MYCBP2: variants seen among roughly 807,000 people sequenced by gnomAD.
The protein encoded by MYCBP2 is E3 ubiquitin-protein ligase MYCBP2.
MYCBP2 carries 120 observed loss-of-function variants against 525.3 expected under a neutral mutation model. That is an observed-to-expected ratio of 0.23 (90% CI 0.20 to 0.27). MYCBP2 has a LOEUF of 0.27. MYCBP2 is among the 10% of genes least tolerant of loss of function. The pLI is 1.00. For synonymous variants in MYCBP2, 1,894 were observed against 1,955.8 expected (o/e 0.97, Z 0.83); for missense variants, 4,149 against 5,657.1 (o/e 0.73, Z 8.55).
chr13:77,202,772 A>G (rs1343266056), intron 26 of MYCBP2, among the ~76,000 whole-genome samples: 2 of 152,252 alleles, frequency 1.3e-5, no homozygotes, highest in Non-Finnish European at 1.5e-5. Flanking sequence ...TCCAGCATAT[A>G]AACAGAACCA....
chr13:77,212,849 T>A (rs1235774329), intron 21 of MYCBP2, among the ~76,000 whole-genome samples: 2 of 152,144 alleles, frequency 1.3e-5, no homozygotes, highest in African/African-American at 4.8e-5. Context: ...AGCCTGTAGC[T>A]GAAAAAGAAT....
At chr13:77,093,130 C>G in intron 59 of MYCBP2, 35 bp downstream of exon 59, 2 of 1,559,824 alleles carry the variant, frequency 1.3e-6, no homozygotes, top group Non-Finnish European at 1.7e-6. Context: ...CCACCAAACA[C>G]TAGCTATTCA....
intron 62 of MYCBP2, among the ~76,000 whole-genome samples, chr13:77,087,033 C>T (rs1484958993): frequency 6.6e-6 from 1 of 152,052 alleles, no homozygotes; most frequent in African/African-American, 2.4e-5. Flanking sequence ...TCTATTTCTA[C>T]TGTCTATTGT....
At chr13:77,217,519 A>G (rs1330037576) in intron 21 of MYCBP2, among the ~76,000 whole-genome samples, 1 of 152,210 alleles carries the variant, frequency 6.6e-6, no homozygotes, top group African/African-American at 2.4e-5. Flanking sequence ...CATCTCTACA[A>G]GTTAGATGAG....
Position 77,180,331 on chromosome 13 carries a change from A to C in MYCBP2, c.4942-13T>G, listed in dbSNP as rs2060100476. 1 of 1,611,802 alleles carries C rather than the reference A, an allele frequency of 6.2e-7. No individual in the cohort carries two copies. Among genetic ancestry groups the C allele is most frequent in the African/African-American group, 1.3e-5 (1 of 74,838 alleles). ...TATTCTCTTCACTCTGCGATACATA[A>C]GAAAAAGTTCTAAGGTATTGTTTTA... On this transcript the variant is annotated splice_polypyrimidine_tract_variant and intron_variant, in intron 33 of 82. Coordinates refer to ENST00000544440, the MANE Select transcript of MYCBP2 (RefSeq NM_015057.5).
At chr13:77,142,934 A>G (rs1284771743) in intron 49 of MYCBP2, among the ~76,000 whole-genome samples, 1 of 152,222 alleles carries the variant, frequency 6.6e-6, no homozygotes, top group African/African-American at 2.4e-5. Context: ...TCTGGTGCCA[A>G]GCATTTCAGA....
At chr13:77,105,433 T>A (rs570279216) in intron 55 of MYCBP2, among the ~76,000 whole-genome samples, 34 of 152,190 alleles carry the variant, frequency 2.2e-4, no homozygotes, top group Admixed American at 5.9e-4. Flanking sequence ...TAAAAAAGGT[T>A]AAGTGACTAA....
intron 3 of MYCBP2, among the ~76,000 whole-genome samples, chr13:77,287,696 C>G (rs73547884): frequency 0.061 from 9,264 of 151,942 alleles, 469 homozygotes; most frequent in East Asian, 0.17. Flanking sequence ...AGCTGAGAGG[C>G]TTTGTAGTTC....
intron 59 of MYCBP2, among the ~76,000 whole-genome samples, chr13:77,091,406 A>G (rs1250243217): frequency 6.6e-6 from 1 of 151,992 alleles, no homozygotes; most frequent in Non-Finnish European, 1.5e-5. Flanking sequence ...AAAATTACAC[A>G]AATTTAAAAA....
chr13:77,306,368 C>T (rs1021533666), intron 1 of MYCBP2, among the ~76,000 whole-genome samples: 4 of 152,126 alleles, frequency 2.6e-5, no homozygotes, highest in South Asian at 2.1e-4. Context: ...TTAACCTAGC[C>T]GGCTAATTAG....
intron 14 of MYCBP2, among the ~76,000 whole-genome samples, chr13:77,257,003 T>G (rs1426604169): frequency 6.6e-6 from 1 of 151,912 alleles, no homozygotes; most frequent in East Asian, 1.9e-4. Flanking sequence ...AACAGATGAG[T>G]GGATAAAGAA....
chr13:77,238,242 CAAAAAAA>C (rs772175406), intron 17 of MYCBP2, among the ~76,000 whole-genome samples: 40 of 28,294 alleles, frequency 1.4e-3, no homozygotes, highest in African/African-American at 3.7e-3. Flanking sequence ...GACTCCGTCT[CAAAAAAA>C]AAAAAAAAAA....
chr13:77,256,110 T>A (rs781260505), intron 14 of MYCBP2, among the ~76,000 whole-genome samples: 1 of 152,022 alleles, frequency 6.6e-6, no homozygotes, highest in African/African-American at 2.4e-5. Context: ...GCAAAGGATA[T>A]TGTGAAGAAG....
intron 20 of MYCBP2, among the ~76,000 whole-genome samples, chr13:77,223,034 A>C (rs775987169): frequency 2.6e-5 from 4 of 152,186 alleles, no homozygotes; most frequent in Non-Finnish European, 5.9e-5. Flanking sequence ...GCTGCTCTCT[A>C]TCTTTCCAGA....
In MYCBP2 at chr13:77,326,126, G is replaced by GCCA. The variant is rs1331543914; in HGVS notation, c.302+345_302+347dup. Among the ~76,000 whole-genome samples the GCCA allele has an allele frequency of 6.6e-6, 1 of 151,728 alleles. No individual in the cohort carries two copies. Among genetic ancestry groups the GCCA allele is most frequent in the Non-Finnish European group, 1.5e-5 (1 of 67,966 alleles). ...TCATCCTCTTACCCTCTCTACCCATGCCACCTCCTACCTCAACGATACACA... is the reference window on the plus strand; with the variant it reads ...TCATCCTCTTACCCTCTCTACCCATGCCACCACCTCCTACCTCAACGATACACA... On this transcript the variant is annotated intron_variant, in intron 1 of 82. Transcript: ENST00000544440. The surrounding 1 kb of genome is among the most constrained non-coding windows in gnomAD (Gnocchi z 4.2).
intron 47 of MYCBP2, among the ~76,000 whole-genome samples, chr13:77,147,844 T>C (rs1024612653): frequency 1.4e-4 from 22 of 152,138 alleles, no homozygotes; most frequent in African/African-American, 5.1e-4. Context: ...AGTGAATACA[T>C]AGTATCTGTG....
intron 2 of MYCBP2, 40 bp from the exon 3 acceptor site, chr13:77,288,416 T>A (rs2077113789): frequency 6.6e-7 from 1 of 1,522,504 alleles, no homozygotes; most frequent in Non-Finnish European, 9.0e-7. Context: ...CACACTCTTT[T>A]CTATCATCAA....
intron 15 of MYCBP2, among the ~76,000 whole-genome samples, chr13:77,248,106 C>T (rs186564460): frequency 1.0e-4 from 15 of 146,002 alleles, no homozygotes; most frequent in East Asian, 2.0e-4. Flanking sequence ...CTAACCTGCA[C>T]GTTGCGCACA....
chr13:77,155,194 T>C (rs368726958), intron 46 of MYCBP2, among the ~76,000 whole-genome samples: 1 of 152,140 alleles, frequency 6.6e-6, no homozygotes, highest in Non-Finnish European at 1.5e-5. Flanking sequence ...AATGTGTTCT[T>C]ATTTTTTACT....
Sources: allele counts gnomAD v4.1 joint callset (sites outside exome capture counted in the v4.1 genomes callset), GRCh38; gene constraint gnomAD v4.1.1; non-coding constraint Gnocchi (gnomAD v3.1); transcripts MANE v1.5; gene names NCBI Gene and HGNC (gene_info 2026-07-23, HGNC 2026-07-21).